Variants in FHIP1A observed in about 807,000 individuals in gnomAD.
FHIP1A encodes FHF complex subunit HOOK-interacting protein 1A.
FHIP1A carries 61 observed loss-of-function variants against 88.6 expected under a neutral mutation model. The ratio of observed to expected loss-of-function variants is 0.69; its 90% CI spans 0.56 to 0.85. The LOEUF (loss-of-function observed/expected upper bound fraction) is 0.85, where lower values mean the gene tolerates loss of function less well. Among genes scored for constraint, FHIP1A ranks in the 40% least tolerant of loss-of-function variants. The probability of loss-of-function intolerance (pLI) is 0.00; values close to 1 mark genes in which losing one functional copy is unlikely to be tolerated. For synonymous variants in FHIP1A, 478 were observed against 496.0 expected (o/e 0.96, Z 0.48); for missense variants, 1,154 against 1,273.5 (o/e 0.91, Z 1.43).
At chr4:151,622,854 G>A (rs1008364443) in intron 7 of FHIP1A, among the ~76,000 whole-genome samples, 5 of 152,004 alleles carry the variant, frequency 3.3e-5, no homozygotes, top group African/African-American at 1.2e-4. Context: ...CCTTTCTTAT[G>A]GGTTATTTGG....
At chr4:151,547,160 A>G (rs1270094913) in intron 3 of FHIP1A, among the ~76,000 whole-genome samples, 4 of 152,180 alleles carry the variant, frequency 2.6e-5, no homozygotes, top group Non-Finnish European at 5.9e-5. Flanking sequence ...AGTTGTCATA[A>G]AGGACTGTAG....
chr4:151,571,932 G>A (rs1733616294), intron 4 of FHIP1A, among the ~76,000 whole-genome samples: 1 of 152,218 alleles, frequency 6.6e-6, no homozygotes, highest in African/African-American at 2.4e-5. Context: ...GCATGGCCGG[G>A]TGCAGTGGCT....
intron 3 of FHIP1A, among the ~76,000 whole-genome samples, chr4:151,486,197 G>C (rs1168321222): frequency 2.6e-5 from 4 of 152,130 alleles, no homozygotes; most frequent in Non-Finnish European, 5.9e-5. Context: ...TGGTGGCTTG[G>C]TTCCTAACAG....
chr4:151,465,896 G>T (rs1729294026), intron 2 of FHIP1A, among the ~76,000 whole-genome samples: 1 of 152,172 alleles, frequency 6.6e-6, no homozygotes, highest in East Asian at 1.9e-4. Context: ...AGCTATCTAT[G>T]ACAAACCCAT....
At chr4:151,461,913 C>T (rs1028024610) in intron 2 of FHIP1A, among the ~76,000 whole-genome samples, 2 of 152,174 alleles carry the variant, frequency 1.3e-5, no homozygotes, top group African/African-American at 4.8e-5. Flanking sequence ...CCTGTAATCC[C>T]ACACTTTTGG....
At chr4:151,457,450 G>A (rs1729006059) in intron 2 of FHIP1A, among the ~76,000 whole-genome samples, 1 of 152,114 alleles carries the variant, frequency 6.6e-6, no homozygotes, top group African/African-American at 2.4e-5. Context: ...TGGTCTATCC[G>A]TGTTGTGCCC....
chr4:151,494,654 CT>C (rs1730397040), intron 3 of FHIP1A, among the ~76,000 whole-genome samples: 1 of 151,974 alleles, frequency 6.6e-6, no homozygotes, highest in South Asian at 2.1e-4. Flanking sequence ...GCCATTTGGG[CT>C]TTTTTGAGGT....
In FHIP1A at chr4:151,662,755, C is replaced by CTTT. The variant is rs11378262; in HGVS notation, c.*15_*17dup. ...TGACTTTGAGGACTCCTGCTGTTAG[C>CTTT]TTTTTTTTTTTTTTTTAATAGAGGT... On this transcript the variant is annotated 3_prime_UTR_variant, in exon 14 of 14. Coordinates refer to ENST00000435205, the MANE Select transcript of FHIP1A (RefSeq NM_001109977.3). 2.9e-4 allele frequency: 379 copies of CTTT among 1,301,216 alleles called. No individual in the cohort carries two copies. Among genetic ancestry groups the CTTT allele is most frequent in the South Asian group, 6.9e-4 (38 of 54,878 alleles). The allele number at this position is 1,301,216 out of a possible 1,614,324, so 80.6% of individuals were successfully genotyped here.
intron 1 of FHIP1A, among the ~76,000 whole-genome samples, chr4:151,416,014 AC>A (rs1732878957): frequency 6.6e-6 from 1 of 152,030 alleles, no homozygotes. Context: ...CAGAAAATCC[AC>A]TAGGTTTTGC....
At chr4:151,639,925 G>C (rs1237380397) in intron 9 of FHIP1A, among the ~76,000 whole-genome samples, 1 of 152,154 alleles carries the variant, frequency 6.6e-6, no homozygotes, top group Non-Finnish European at 1.5e-5. Flanking sequence ...AGGAGACCTG[G>C]TCTTCCCCTA....
intron 3 of FHIP1A, among the ~76,000 whole-genome samples, chr4:151,558,276 C>G (rs1372650777): frequency 1.3e-5 from 2 of 152,068 alleles, no homozygotes; most frequent in Non-Finnish European, 2.9e-5. Context: ...TGGCACATAC[C>G]TGTAATCCAA....
chr4:151,531,825 C>G (rs2126713042), intron 3 of FHIP1A, among the ~76,000 whole-genome samples: 1 of 152,274 alleles, frequency 6.6e-6, no homozygotes, highest in Non-Finnish European at 1.5e-5. Context: ...ACGTAAATTA[C>G]ATTGGTATCT....
chr4:151,460,321 T>C (rs1729104213), intron 2 of FHIP1A, among the ~76,000 whole-genome samples: 1 of 152,190 alleles, frequency 6.6e-6, no homozygotes, highest in African/African-American at 2.4e-5. Flanking sequence ...AAAAAATGAA[T>C]GAAGTGTTTC....
At chr4:151,654,912 A>G (rs17027759) in intron 11 of FHIP1A, among the ~76,000 whole-genome samples, 5,046 of 152,294 alleles carry the variant, frequency 0.033, 393 homozygotes, top group East Asian at 0.29. Flanking sequence ...ATGGTGCCTC[A>G]TGTTGAGATC....
chr4:151,495,184 C>G (rs996218191), intron 3 of FHIP1A, among the ~76,000 whole-genome samples: 3 of 151,918 alleles, frequency 2.0e-5, no homozygotes, highest in Non-Finnish European at 4.4e-5. Flanking sequence ...TAAAATTGAT[C>G]AAATTATTAG....
intron 3 of FHIP1A, among the ~76,000 whole-genome samples, chr4:151,540,696 A>G (rs1732250890): frequency 1.3e-5 from 2 of 152,350 alleles, no homozygotes; most frequent in Middle Eastern, 6.8e-3. Context: ...TAGAAAATAA[A>G]AAATATTAAC....
At chr4:151,512,084 A>G (rs1459882748) in intron 3 of FHIP1A, among the ~76,000 whole-genome samples, 1 of 152,198 alleles carries the variant, frequency 6.6e-6, no homozygotes, top group African/African-American at 2.4e-5. Context: ...CTCCTCTGAG[A>G]CAAAACTTCC....
chr4:151,566,011 C>G (rs1733371942), intron 3 of FHIP1A, 127 bp from the exon 4 acceptor site: 2 of 294,024 alleles, frequency 6.8e-6, no homozygotes, highest in African/African-American at 4.5e-5. Flanking sequence ...AGTATAATAT[C>G]TGTTTTGTAG....
intron 3 of FHIP1A, among the ~76,000 whole-genome samples, chr4:151,557,889 T>C (rs192622909): frequency 1.4e-4 from 21 of 152,342 alleles, no homozygotes; most frequent in African/African-American, 4.8e-4. Flanking sequence ...TTGATTATTA[T>C]TTACATCTGT....
Sources: gnomAD v4.1 joint callset for allele counts (sites outside exome capture counted in the v4.1 genomes callset) on GRCh38, gnomAD v4.1.1 for gene constraint, MANE v1.5 for transcripts, NCBI Gene and HGNC (gene_info 2026-07-23, HGNC 2026-07-21) for gene names.